The following DAB2IP variants were observed in gnomAD, a reference collection of about 807,000 sequenced individuals.
DAB2IP encodes the protein disabled homolog 2-interacting protein.
A neutral mutation model predicts 107.2 loss-of-function variants in DAB2IP; 28 were observed. That is an observed-to-expected ratio of 0.26 (90% CI 0.19 to 0.36). The LOEUF (loss-of-function observed/expected upper bound fraction) is 0.36. DAB2IP is among the 10% of genes least tolerant of loss of function. The pLI is 1.00. For missense variants in DAB2IP, 1,400 were observed against 1,644.7 expected (o/e 0.85, Z 2.57); for synonymous variants, 755 against 706.4 (o/e 1.07, Z -1.09).
chr9:121,764,770 T>G (rs1834147677), intron 8 of DAB2IP, among the ~76,000 whole-genome samples: 1 of 152,182 alleles, frequency 6.6e-6, no homozygotes, highest in Non-Finnish European at 1.5e-5. Flanking sequence ...TTCATCTCTT[T>G]CACTCACCTG....
intron 1 of DAB2IP, among the ~76,000 whole-genome samples, chr9:121,674,508 AC>A (rs748312623): frequency 6.6e-6 from 1 of 152,062 alleles, no homozygotes; most frequent in Non-Finnish European, 1.5e-5. Context: ...TCCTCCGGCC[AC>A]CTGGGATCCT....
At position 121,782,051 on chromosome 9, in the gene DAB2IP, T is replaced by C. The variant is rs1835695817; in HGVS notation, c.3403-280T>C. ...ACCAGGAGCTGTGACCTCTGGTGTG[T>C]CATGCACACACATGTGAGCAAGGGT... On this transcript the variant is annotated intron_variant, in intron 15 of 15. Coordinates refer to ENST00000408936, the Ensembl canonical transcript of DAB2IP. The surrounding 1 kb of genome is among the most constrained non-coding windows in gnomAD (Gnocchi z 6.1). Among the ~76,000 whole-genome samples the C allele has an allele frequency of 6.6e-6, 1 of 152,160 alleles. No individual in the cohort carries two copies. Among genetic ancestry groups the C allele is most frequent in the Non-Finnish European group, 1.5e-5 (1 of 68,016 alleles).
chr9:121,770,568 C>A, exon 11 of DAB2IP: 1 of 1,614,058 alleles, frequency 6.2e-7, no homozygotes, highest in South Asian at 1.1e-5. Flanking sequence ...AAACTGGGAC[C>A]CCTGCCTCGG....
chr9:121,592,363 C>G (rs901123452), intron 1 of DAB2IP, among the ~76,000 whole-genome samples: 8 of 149,636 alleles, frequency 5.3e-5, no homozygotes, highest in Non-Finnish European at 8.9e-5. Flanking sequence ...AAGACTCCAT[C>G]TCAAAAAAAA....
intron 2 of DAB2IP, among the ~76,000 whole-genome samples, chr9:121,692,791 C>T (rs1435993480): frequency 6.6e-6 from 1 of 152,048 alleles, no homozygotes; most frequent in East Asian, 1.9e-4. Flanking sequence ...CCAGCTGGGA[C>T]TCTCTTTGAT....
chr9:121,666,821 A>T (rs1014506489), intron 1 of DAB2IP, among the ~76,000 whole-genome samples: 4 of 150,070 alleles, frequency 2.7e-5, no homozygotes, highest in Admixed American at 6.7e-5. Context: ...TCAATGCATT[A>T]TTTTAGCAAA....
intron 3 of DAB2IP, among the ~76,000 whole-genome samples, chr9:121,717,353 C>T (rs1189810434): frequency 6.6e-6 from 1 of 152,172 alleles, no homozygotes; most frequent in Non-Finnish European, 1.5e-5. Context: ...AGCTAAAAGC[C>T]ACTCATTGTA....
Position 121,782,531 on chromosome 9 carries a change from G to A in DAB2IP, c.*33G>A, listed in dbSNP as rs56186860. 7,216 of 1,609,378 alleles carry A rather than the reference G, an allele frequency of 4.5e-3. 25 individuals are homozygous for A. The highest frequency in any genetic ancestry group is 5.1e-3 in the Non-Finnish European group (6,015 of 1,176,872). ...GAGGAGGGAGGAAGCTACCCAAGGA[G>A]AGGGGGACTATGGTGGCCAAGGGCA... On this transcript the variant is annotated 3_prime_UTR_variant, in exon 16 of 16. Transcript: ENST00000408936. This position sits in a 1 kb window ranked among gnomAD's most constrained non-coding sequence, Gnocchi z 6.1.
chr9:121,592,598 T>C (rs1402256849), intron 1 of DAB2IP, among the ~76,000 whole-genome samples: 1 of 152,242 alleles, frequency 6.6e-6, no homozygotes, highest in African/African-American at 2.4e-5. Context: ...TATAGCCCTG[T>C]CAACTTTATA....
chr9:121,590,101 G>A (rs906987877), intron 1 of DAB2IP, among the ~76,000 whole-genome samples: 3 of 151,834 alleles, frequency 2.0e-5, no homozygotes, highest in African/African-American at 7.3e-5. Context: ...CTGTTCTCCT[G>A]TTCAGTATCA....
At chr9:121,746,758 T>A (rs1338003815) in intron 3 of DAB2IP, among the ~76,000 whole-genome samples, 3 of 152,178 alleles carry the variant, frequency 2.0e-5, no homozygotes, top group Non-Finnish European at 4.4e-5. Context: ...AGAATGGAAA[T>A]ACTCGCTTTT....
Position 121,708,247 on chromosome 9 carries a change from C to T in DAB2IP, c.362+8789C>T, listed in dbSNP as rs116435245. On this transcript the variant is annotated intron_variant, in intron 3 of 15. Transcript: ENST00000408936. ...CATTTCACAGGTGTAGAAACTGAAA[C>T]CCGATGTGTGAGTGGCCCAAAGTCA... Among the ~76,000 whole-genome samples, 1,428 of 152,246 alleles carry T rather than the reference C, an allele frequency of 9.4e-3. 21 individuals carry two copies. The highest frequency in any genetic ancestry group is 0.032 in the African/African-American group (1,335 of 41,532).
chr9:121,655,548 C>G (rs1296530576), intron 1 of DAB2IP, among the ~76,000 whole-genome samples: 1 of 152,180 alleles, frequency 6.6e-6, no homozygotes, highest in Non-Finnish European at 1.5e-5. Flanking sequence ...TGTTGGGGTG[C>G]ACTAGGGCAC....
In DAB2IP at chr9:121,646,534, C is replaced by T. The variant is rs999681210; in HGVS notation, c.41-32144C>T. Among the ~76,000 whole-genome samples, 148 of 148,028 alleles carry T rather than the reference C, an allele frequency of 1.0e-3. 1 individual carries two copies. The highest frequency in any genetic ancestry group is 3.6e-3 in the African/African-American group (143 of 39,898). On this transcript the variant is annotated intron_variant, in intron 1 of 16. Coordinates refer to the DAB2IP transcript ENST00000259371. ...CTGTCCCCCCCACCCCCACCCCTGC[C>T]CAGAGCTCCAGAGACTGAAAGGTTG...
intron 1 of DAB2IP, among the ~76,000 whole-genome samples, chr9:121,613,915 G>A (rs549260259): frequency 2.0e-5 from 3 of 152,286 alleles, no homozygotes; most frequent in East Asian, 1.9e-4. Context: ...GCTCTTCTCC[G>A]CAGCTTGATA....
intron 1 of DAB2IP, among the ~76,000 whole-genome samples, chr9:121,624,399 G>A (rs1465456792): frequency 1.3e-5 from 2 of 152,222 alleles, no homozygotes; most frequent in Non-Finnish European, 2.9e-5. Context: ...TCCAGACCAT[G>A]CCACTTACAA....
intron 3 of DAB2IP, chr9:121,752,921 T>A (rs943778381): frequency 1.3e-5 from 2 of 152,102 alleles, no homozygotes; most frequent in Non-Finnish European, 1.5e-5. Flanking sequence ...CCCAAGAGGT[T>A]TGGGTGTCGC....
chr9:121,586,276 TG>T (rs1420171479), intron 1 of DAB2IP, among the ~76,000 whole-genome samples: 2 of 152,232 alleles, frequency 1.3e-5, no homozygotes, highest in African/African-American at 4.8e-5. Flanking sequence ...TGATGGCAGA[TG>T]AACTTCAGGT....
At chr9:121,717,949 T>G (rs1830700655) in intron 3 of DAB2IP, among the ~76,000 whole-genome samples, 1 of 152,190 alleles carries the variant, frequency 6.6e-6, no homozygotes, top group Non-Finnish European at 1.5e-5. Flanking sequence ...CAGTCTTGTT[T>G]CCGGCATGTC....
Sources: gnomAD v4.1 joint callset for allele counts (sites outside exome capture counted in the v4.1 genomes callset) on GRCh38, gnomAD v4.1.1 for gene constraint, Gnocchi (gnomAD v3.1) non-coding constraint, MANE v1.5 for transcripts, NCBI Gene and HGNC (gene_info 2026-07-23, HGNC 2026-07-21) for gene names.